The following C6orf132 variants were observed in gnomAD, a reference collection of about 807,000 sequenced individuals.
The protein encoded by C6orf132 is uncharacterized protein C6orf132.
In C6orf132, 43 loss-of-function variants were observed where a neutral mutation model predicts 65.3. That is an observed-to-expected ratio of 0.66 (90% CI 0.52 to 0.85). The LOEUF (loss-of-function observed/expected upper bound fraction) is 0.85, where lower values mean the gene tolerates loss of function less well. Ranked by LOEUF, C6orf132 falls within the 40% of genes least tolerant of loss-of-function variation. The pLI is 0.00. For missense variants in C6orf132, 1,488 were observed against 1,548.8 expected, an observed-to-expected ratio of 0.96 and a Z score of 0.66; for synonymous variants, 631 against 654.1, an observed-to-expected ratio of 0.96 and a Z score of 0.54.
intron 1 of C6orf132, among the ~76,000 whole-genome samples, chr6:42,137,251 T>C (rs924223213): frequency 1.3e-5 from 2 of 152,282 alleles, no homozygotes; most frequent in African/African-American, 4.8e-5. Flanking sequence ...ACCTTGTAGC[T>C]GGTCTGTAGG....
At chr6:42,131,267 C>T (rs1376098675) in intron 1 of C6orf132, among the ~76,000 whole-genome samples, 1 of 152,188 alleles carries the variant, frequency 6.6e-6, no homozygotes, top group Non-Finnish European at 1.5e-5. Context: ...GTGATCTACA[C>T]ACCTCAGCAT....
At chr6:42,117,073 G>C (rs866699992) in intron 2 of C6orf132, among the ~76,000 whole-genome samples, 10 of 152,098 alleles carry the variant, frequency 6.6e-5, no homozygotes, top group Admixed American at 5.9e-4. Context: ...CAAACTCCTA[G>C]GTATCCTTTA....
At chr6:42,112,795 T>C (rs141322241) in intron 2 of C6orf132, among the ~76,000 whole-genome samples, 3 of 152,330 alleles carry the variant, frequency 2.0e-5, no homozygotes, top group East Asian at 3.9e-4. Flanking sequence ...GATGGGCTGA[T>C]GGTACTAACC....
chr6:42,123,272 A>C (rs1766714279), intron 2 of C6orf132, among the ~76,000 whole-genome samples: 1 of 152,052 alleles, frequency 6.6e-6, no homozygotes, highest in African/African-American at 2.4e-5. Flanking sequence ...AGTCTCAGCT[A>C]CTCGGGAGGC....
chr6:42,127,103 C>G (rs1435365875), intron 2 of C6orf132, among the ~76,000 whole-genome samples: 2 of 152,000 alleles, frequency 1.3e-5, no homozygotes, highest in African/African-American at 4.8e-5. Flanking sequence ...TATAGGCACA[C>G]ACCACCACAC....
Position 42,107,562 on chromosome 6 carries a change from C to A in C6orf132, c.350G>T (p.Gly117Val). The A allele has an allele frequency of 6.4e-7, 1 of 1,550,806 alleles. No individual in the cohort carries two copies. Among genetic ancestry groups the A allele is most frequent in the Non-Finnish European group, 8.7e-7 (1 of 1,146,716 alleles). The change falls in exon 4 of 5, where the codon GGC (glycine) becomes GTC (valine). Residue 117 changes from glycine to valine, a missense_variant. Physicochemically the swap from Gly to Val is moderately radical, Grantham distance 109 (BLOSUM62 -3). Transcript: ENST00000341865. ...CACAGAGCTGTACAGTCGGAGGTTG[C>A]CATTGACTAGTGAGCTGGTACCTGA... is the stretch of plus-strand genomic sequence containing the variant. ...EVTGTSSLVN[G>V]NLRLYSSVGD...
At chr6:42,111,674 C>T (rs1315631574) in intron 2 of C6orf132, among the ~76,000 whole-genome samples, 2 of 152,174 alleles carry the variant, frequency 1.3e-5, no homozygotes, top group Non-Finnish European at 2.9e-5. Context: ...ATCCGCCCAC[C>T]TTGGCCTCCC....
Position 42,105,230 on chromosome 6 carries a change from C to T in C6orf132, c.2682G>A (p.Val894=). ...HSQGTPNSFT[V]VPKLPKEAEK... is the part of the protein sequence containing the mutation. Reference sequence around the variant, plus strand: ...CAGCCTCCTTGGGTAACTTGGGCACCACAGTGAAGGAGTTGGGCGTGCCCT... The same window carrying T: ...CAGCCTCCTTGGGTAACTTGGGCACTACAGTGAAGGAGTTGGGCGTGCCCT... The change falls in exon 4 of 5, where the codon GTG becomes GTA. Residue 894 remains valine, a synonymous_variant. Coordinates refer to ENST00000341865, the MANE Select transcript of C6orf132 (RefSeq NM_001164446.3). 1 of 1,537,216 alleles carries T rather than the reference C, an allele frequency of 6.5e-7. No individual in the cohort carries two copies. Among genetic ancestry groups the T allele is most frequent in the Non-Finnish European group, 8.7e-7 (1 of 1,146,900 alleles).
chr6:42,139,931 T>C (rs1200618637), intron 1 of C6orf132, among the ~76,000 whole-genome samples: 1 of 151,742 alleles, frequency 6.6e-6, no homozygotes, highest in Non-Finnish European at 1.5e-5. Flanking sequence ...GCCCAGAGAG[T>C]GCTTAGCCCT....
intron 2 of C6orf132, among the ~76,000 whole-genome samples, chr6:42,118,505 G>A (rs12528967): frequency 2.0e-5 from 3 of 152,204 alleles, no homozygotes; most frequent in Non-Finnish European, 4.4e-5. Context: ...AACATTCTCA[G>A]GGGAGTGGAG....
intron 2 of C6orf132, among the ~76,000 whole-genome samples, chr6:42,121,187 A>G (rs754297198): frequency 5.8e-4 from 88 of 152,190 alleles, no homozygotes; most frequent in Non-Finnish European, 8.2e-4. Context: ...AGTAGTGCTC[A>G]AGAAAGTTTA....
intron 1 of C6orf132, among the ~76,000 whole-genome samples, chr6:42,137,005 T>C (rs547469450): frequency 6.6e-6 from 1 of 152,240 alleles, no homozygotes; most frequent in South Asian, 2.1e-4. Context: ...AAATGCTGAC[T>C]CTCCCTTCAT....
At position 42,106,755 on chromosome 6, in the gene C6orf132, C is replaced by G; in HGVS notation, c.1157G>C (p.Arg386Pro). 6.5e-7 allele frequency: 1 copy of G among 1,532,108 alleles called. No individual in the cohort carries two copies. The allele number at this position is 1,532,108 out of a possible 1,614,324, so 94.9% of individuals were successfully genotyped here. Residue 386 changes from arginine to proline, a missense_variant, in exon 4 of 5, where the codon CGA becomes CCA. By Grantham distance (103) the Arg-to-Pro change is moderately radical. Coordinates refer to ENST00000341865, the MANE Select transcript of C6orf132 (RefSeq NM_001164446.3). ...AGGGGCTGGAGGCGGAGTCCCAGCT[C>G]GTTCATCTGCTTGGGACTGGGACTG... ...LGQSQSQADE[R>P]AGTPPPAPPL...
At position 42,142,580 on chromosome 6, in the gene C6orf132, C is replaced by T. The variant is rs1335120898; in HGVS notation, c.-136G>A. 2 of 423,734 alleles carry T rather than the reference C, an allele frequency of 4.7e-6. No individual in the cohort carries two copies. The highest frequency in any genetic ancestry group is 8.8e-5 in the East Asian group (1 of 11,406). 26.2% of individuals were successfully genotyped at this position (423,734 alleles called of 1,614,324 possible). A position where few individuals can be genotyped will look rare whatever the true frequency, so the allele number is the denominator to read the frequency against. On this transcript the variant is annotated 5_prime_UTR_variant, in exon 1 of 5. Coordinates refer to ENST00000341865, the MANE Select transcript of C6orf132 (RefSeq NM_001164446.3). ...CCCGCCGTCCTCCCCGCCCGCGCAC[C>T]GGGCAACAGGTGCTGCGGGCGCCGC...
In C6orf132 at chr6:42,104,980, C is replaced by G. The variant is rs1204387603; in HGVS notation, c.2932G>C (p.Glu978Gln). Residue 978 changes from glutamate (E) to glutamine (Q), a missense_variant, in exon 4 of 5, where the codon GAG (glutamate) becomes CAG (glutamine). By Grantham distance (29) the Glu-to-Gln change is conservative (BLOSUM62 2). Coordinates refer to ENST00000341865, the MANE Select transcript of C6orf132 (RefSeq NM_001164446.3). This position sits in a 1 kb window ranked among gnomAD's most constrained non-coding sequence, Gnocchi z 4.1. ...ATGACCTCGAAGTTGAACTCCTCCT[C>G]CTCCTCCTCCCTCTTGTTCGAAGGA... Reference protein sequence around the residue: ...PSPSNKREEEEEEFNFEVIPP... With the variant: ...PSPSNKREEEQEEFNFEVIPP... 1 of 1,507,342 alleles carries G rather than the reference C, an allele frequency of 6.6e-7. No homozygotes were observed. The highest frequency in any genetic ancestry group is 2.5e-5 in the East Asian group (1 of 40,508). 93.4% of individuals were successfully genotyped at this position (1,507,342 alleles called of 1,614,324 possible).
intron 2 of C6orf132, among the ~76,000 whole-genome samples, chr6:42,119,248 C>CACA (rs1766638823): frequency 2.2e-5 from 1 of 44,776 alleles, no homozygotes; most frequent in Admixed American, 4.1e-4. Flanking sequence ...GACTCTGTCT[C>CACA]AAAAAAAAAA....
In C6orf132 at chr6:42,142,550, T is replaced by G; in HGVS notation, c.-106A>C. On this transcript the variant is annotated 5_prime_UTR_variant, in exon 1 of 5. An upstream start codon of the reference 5' UTR is lost. Coordinates refer to ENST00000341865, the MANE Select transcript of C6orf132 (RefSeq NM_001164446.3). ...CTCCCCAGGGGACTCTACCAGGCCA[T>G]GTCCCCCGCCGTCCTCCCCGCCCGC... is the stretch of plus-strand genomic sequence containing the variant. 3.1e-5 allele frequency: 28 copies of G among 909,338 alleles called. No individual in the cohort carries two copies. Among genetic ancestry groups the G allele is most frequent in the Middle Eastern group, 4.8e-4 (1 of 2,094 alleles). 56.3% of individuals were successfully genotyped at this position (909,338 alleles called of 1,614,324 possible).
chr6:42,120,738 C>T (rs1432166019), intron 2 of C6orf132, among the ~76,000 whole-genome samples: 2 of 152,124 alleles, frequency 1.3e-5, no homozygotes, highest in Non-Finnish European at 2.9e-5. Flanking sequence ...TCTGCGGCCT[C>T]AGACACCTGA....
intron 3 of C6orf132, among the ~76,000 whole-genome samples, chr6:42,109,639 G>A (rs1334686696): frequency 6.6e-6 from 1 of 152,078 alleles, no homozygotes; most frequent in Non-Finnish European, 1.5e-5. Flanking sequence ...TGTGGCCGGG[G>A]CAGTGTGGGA....
Sources: gnomAD v4.1 joint callset for allele counts (sites outside exome capture counted in the v4.1 genomes callset) on GRCh38, gnomAD v4.1.1 for gene constraint, Gnocchi (gnomAD v3.1) non-coding constraint, MANE v1.5 for transcripts, NCBI Gene and HGNC (gene_info 2026-07-23, HGNC 2026-07-21) for gene names.